SEMA3D: variants seen among roughly 807,000 people sequenced by gnomAD.
SEMA3D encodes semaphorin-3D.
In SEMA3D, 84 loss-of-function variants were observed where a neutral mutation model predicts 100.1. The ratio of observed to expected loss-of-function variants is 0.84; its 90% confidence interval spans 0.70 to 1.01. SEMA3D has a LOEUF of 1.01. Among genes scored for constraint, SEMA3D ranks in the 50% least tolerant of loss-of-function variants. The pLI is 0.00. For missense variants in SEMA3D, 875 were observed against 934.1 expected (o/e 0.94, Z 0.82); for synonymous variants, 312 against 320.7 (o/e 0.97, Z 0.29).
chr7:85,040,915 T>C (rs1790842838), intron 10 of SEMA3D, among the ~76,000 whole-genome samples, 173 bp from the exon 11 acceptor site: 5 of 152,152 alleles, frequency 3.3e-5, no homozygotes, highest in Non-Finnish European at 7.4e-5. Flanking sequence ...TGACTATGTA[T>C]GGTATGGTAC....
At chr7:85,243,004 A>T in the SEMA3D span, among the ~76,000 whole-genome samples, 2 of 152,230 alleles carry the variant, frequency 1.3e-5, no homozygotes, top group East Asian at 3.9e-4. Flanking sequence ...AGTTTTACGG[A>T]TAGGTCTGAG....
rs1364959561 is a variant in SEMA3D, at chr7:85,006,793, A to G, written c.1908+9T>C. 1.3e-6 allele frequency: 2 copies of G among 1,575,830 alleles called. No homozygotes were observed. Among genetic ancestry groups the G allele is most frequent in the Non-Finnish European group, 1.7e-6 (2 of 1,158,300 alleles). On this transcript the variant is annotated intron_variant, in intron 18 of 18. Coordinates refer to ENST00000284136, the MANE Select transcript of SEMA3D (RefSeq NM_001384900.1). ...TCAAAGTGAGTATTCTTTGATGACA[A>G]CAGCTTACCTCCTCTCGATGCTCAT... is the stretch of plus-strand genomic sequence containing the variant.
At chr7:85,011,939 G>A (rs149953170) in intron 17 of SEMA3D, among the ~76,000 whole-genome samples, 11 of 151,590 alleles carry the variant, frequency 7.3e-5, no homozygotes, top group Non-Finnish European at 1.0e-4. Flanking sequence ...CCACCTGTTC[G>A]TGTGTGTGTG....
chr7:85,165,297 G>A (rs1289209439), intron 1 of SEMA3D, among the ~76,000 whole-genome samples: 1 of 151,842 alleles, frequency 6.6e-6, no homozygotes, highest in Non-Finnish European at 1.5e-5. Flanking sequence ...AACTTCTAGA[G>A]TGAGATGGAT....
intron 13 of SEMA3D, among the ~76,000 whole-genome samples, chr7:85,022,089 A>G (rs955302195): frequency 6.6e-6 from 1 of 151,896 alleles, no homozygotes; most frequent in African/African-American, 2.4e-5. Context: ...AAGTTTGAAA[A>G]TAAACATTAC....
intron 2 of SEMA3D, among the ~76,000 whole-genome samples, chr7:85,148,010 C>T (rs1488998732): frequency 6.6e-6 from 1 of 151,996 alleles, no homozygotes; most frequent in Non-Finnish European, 1.5e-5. Context: ...ACAATTTCAA[C>T]CAATGAACAA....
chr7:85,099,879 A>T (rs1788689707), intron 3 of SEMA3D, among the ~76,000 whole-genome samples: 1 of 151,848 alleles, frequency 6.6e-6, no homozygotes. Flanking sequence ...TTAGGTTGTT[A>T]GTTTTCTTAT....
chr7:85,126,208 C>T (rs1033233995), intron 2 of SEMA3D, among the ~76,000 whole-genome samples: 10 of 152,042 alleles, frequency 6.6e-5, no homozygotes, highest in African/African-American at 2.4e-4. Flanking sequence ...TACATGTGAA[C>T]TTCATTGATT....
chr7:85,162,867 T>A (rs941736805), intron 1 of SEMA3D, among the ~76,000 whole-genome samples: 1 of 152,022 alleles, frequency 6.6e-6, no homozygotes, highest in Non-Finnish European at 1.5e-5. Context: ...GAGGCAAACA[T>A]CATCTTGGAA....
At chr7:85,086,417 G>A (rs1018197376) in intron 4 of SEMA3D, among the ~76,000 whole-genome samples, 4 of 151,390 alleles carry the variant, frequency 2.6e-5, no homozygotes, top group African/African-American at 7.3e-5. Flanking sequence ...CTAAAAACAC[G>A]AAAAACAAGA....
chr7:85,009,743 A>AAAGT (rs1789899980), intron 17 of SEMA3D, among the ~76,000 whole-genome samples: 1 of 151,880 alleles, frequency 6.6e-6, no homozygotes, highest in African/African-American at 2.4e-5. Flanking sequence ...TTTACTTTAT[A>AAAGT]AAATCTAACT....
rs149106406 is a variant in SEMA3D at position 85,175,894 on chromosome 7, T to C, written c.-173+10784A>G. 1.9e-3 allele frequency among the ~76,000 whole-genome samples: 293 copies of C among 152,188 alleles called. 1 individual carries two copies. The highest frequency in any genetic ancestry group is 6.2e-3 in the African/African-American group (258 of 41,554). ...AAATATGTCAAGGATAAAGTTAATA[T>C]ATATAAAACTGCAAAAATATATAAA... is the stretch of plus-strand genomic sequence containing the variant. On this transcript the variant is annotated intron_variant, in intron 1 of 18. Transcript: ENST00000284136.
chr7:85,189,167 G>A (rs1791639768), upstream of SEMA3D, among the ~76,000 whole-genome samples: 1 of 152,166 alleles, frequency 6.6e-6, no homozygotes, highest in Non-Finnish European at 1.5e-5. Context: ...GTTGCCCAAT[G>A]TGATGAATGG....
intron 1 of SEMA3D, among the ~76,000 whole-genome samples, chr7:85,182,168 A>T (rs1182591356): frequency 6.6e-6 from 1 of 151,966 alleles, no homozygotes; most frequent in Non-Finnish European, 1.5e-5. Flanking sequence ...TATCTTTATT[A>T]ATTGGGCCTT....
intron 5 of SEMA3D, among the ~76,000 whole-genome samples, chr7:85,074,620 G>GGC (rs1791869974): frequency 6.8e-6 from 1 of 147,492 alleles, no homozygotes; most frequent in Non-Finnish European, 1.5e-5. Flanking sequence ...TGTTTCAACT[G>GGC]GCATATATAT....
intron 1 of SEMA3D, among the ~76,000 whole-genome samples, chr7:85,158,215 C>T (rs1308753360): frequency 2.6e-5 from 4 of 152,208 alleles, no homozygotes; most frequent in Non-Finnish European, 5.9e-5. Context: ...TAAACTCTGA[C>T]TGCCAGTGAT....
chr7:85,063,842 C>T lies in SEMA3D; in HGVS notation c.718+1582G>A, dbSNP rs149433105. ...GCTTTGTAGCCTTGTCTCCTACTCCCGCTTTATGCTTCAGGCTGAGCAAGG... is the reference window on the plus strand; with the variant it reads ...GCTTTGTAGCCTTGTCTCCTACTCCTGCTTTATGCTTCAGGCTGAGCAAGG... On this transcript the variant is annotated intron_variant, in intron 8 of 18. Transcript: ENST00000284136. Among the ~76,000 whole-genome samples the T allele has an allele frequency of 2.1e-4, 32 of 152,272 alleles. 1 individual carries two copies. The East Asian group carries it at 4.4e-3, about 21-fold the overall frequency.
intron 17 of SEMA3D, among the ~76,000 whole-genome samples, chr7:85,012,061 C>A (rs145120471): frequency 6.6e-6 from 1 of 151,692 alleles, no homozygotes; most frequent in East Asian, 2.0e-4. Flanking sequence ...GATTTGTTTT[C>A]TCTGTTCTCA....
chr7:85,080,112 AT>A (rs1224088869), intron 5 of SEMA3D, among the ~76,000 whole-genome samples: 2 of 152,218 alleles, frequency 1.3e-5, no homozygotes. Context: ...ACATTTAATT[AT>A]GTTAATAACT....
Sources: gnomAD v4.1 joint callset for allele counts (sites outside exome capture counted in the v4.1 genomes callset) on GRCh38, gnomAD v4.1.1 for gene constraint, MANE v1.5 for transcripts, NCBI Gene and HGNC (gene_info 2026-07-23, HGNC 2026-07-21) for gene names.